Variants in SHTN1 observed in about 807,000 individuals in gnomAD.
The protein encoded by SHTN1 is shootin-1.
Under a neutral mutation model 83.1 loss-of-function variants are expected in SHTN1, and 42 were observed. That is an observed-to-expected ratio of 0.51 (90% CI 0.39 to 0.65). The LOEUF is 0.65. Ranked by LOEUF, SHTN1 falls within the 30% of genes least tolerant of loss-of-function variation. The probability of loss-of-function intolerance (pLI) is 0.00; values close to 1 mark genes in which losing one functional copy is unlikely to be tolerated. For missense variants in SHTN1, 622 were observed against 737.8 expected, an observed-to-expected ratio of 0.84 and a Z score of 1.82; for synonymous variants, 224 against 247.7, an observed-to-expected ratio of 0.90 and a Z score of 0.90.
intron 1 of SHTN1, among the ~76,000 whole-genome samples, chr10:116,991,769 C>A (rs571476809): frequency 6.6e-6 from 1 of 152,270 alleles, no homozygotes; most frequent in African/African-American, 2.4e-5. Context: ...ATCCAAACTT[C>A]CAAACTATAC....
intron 6 of SHTN1, among the ~76,000 whole-genome samples, chr10:116,951,642 C>T (rs755574999): frequency 6.6e-6 from 1 of 152,160 alleles, no homozygotes; most frequent in Non-Finnish European, 1.5e-5. Flanking sequence ...ACAAATTTGC[C>T]TTACATAGCA....
intron 2 of SHTN1, among the ~76,000 whole-genome samples, chr10:116,973,440 G>C (rs1256907947): frequency 6.6e-6 from 1 of 152,070 alleles, no homozygotes; most frequent in Admixed American, 6.5e-5. Context: ...GACTGAATCA[G>C]ACTTTTAAGC....
intron 4 of SHTN1, among the ~76,000 whole-genome samples, chr10:116,955,580 T>A (rs1052656373): frequency 6.6e-6 from 1 of 152,190 alleles, no homozygotes; most frequent in Non-Finnish European, 1.5e-5. Flanking sequence ...GGTCTGACTT[T>A]GCTCTTTCAT....
intron 6 of SHTN1, among the ~76,000 whole-genome samples, chr10:116,951,408 GAGTT>G (rs1392133370): frequency 1.3e-5 from 2 of 152,180 alleles, no homozygotes; most frequent in African/African-American, 4.8e-5. Flanking sequence ...GAGTGTGACA[GAGTT>G]AGGTCTTGTC....
chr10:116,996,094 T>C (rs551205012), intron 1 of SHTN1, among the ~76,000 whole-genome samples: 14 of 152,322 alleles, frequency 9.2e-5, no homozygotes, highest in South Asian at 4.2e-4. Flanking sequence ...CCAAGTATAA[T>C]AGACAAAAAC....
chr10:116,993,182 AT>A (rs1237715569), intron 1 of SHTN1, among the ~76,000 whole-genome samples: 2 of 151,344 alleles, frequency 1.3e-5, no homozygotes, highest in Non-Finnish European at 2.9e-5. Context: ...CACCCGGCTA[AT>A]TTTTTGTATT....
chr10:116,987,825 G>T (rs548289052), intron 1 of SHTN1, among the ~76,000 whole-genome samples: 57 of 151,666 alleles, frequency 3.8e-4, no homozygotes, highest in Non-Finnish European at 7.1e-4. Flanking sequence ...TGAGGCAGGA[G>T]AATCACTTGA....
At chr10:117,047,277 G>A in intron 2 of SHTN1, among the ~76,000 whole-genome samples, 1 of 152,120 alleles carries the variant, frequency 6.6e-6, no homozygotes, top group East Asian at 1.9e-4. Context: ...ATCTTGGCCA[G>A]GCTGGTCTTG....
At chr10:117,112,765 C>T (rs889395341) in intron 1 of SHTN1, among the ~76,000 whole-genome samples, 1 of 152,196 alleles carries the variant, frequency 6.6e-6, no homozygotes, top group Admixed American at 6.5e-5. Context: ...CTCCCTTCAT[C>T]CTTAGCATAT....
intron 11 of SHTN1, among the ~76,000 whole-genome samples, chr10:116,924,978 A>G (rs1317656109): frequency 2.0e-5 from 3 of 151,666 alleles, no homozygotes; most frequent in Non-Finnish European, 4.4e-5. Flanking sequence ...GGATGGTCTC[A>G]ATCTCCTGAC....
chr10:117,045,237 T>G (rs962914830), intron 2 of SHTN1, among the ~76,000 whole-genome samples: 1 of 152,172 alleles, frequency 6.6e-6, no homozygotes, highest in Non-Finnish European at 1.5e-5. Flanking sequence ...ACTGACAAAA[T>G]TGTTGAAATC....
chr10:116,949,094 T>C (rs1849687049), intron 6 of SHTN1, 97 bp from the exon 7 acceptor site: 1 of 1,266,216 alleles, frequency 7.9e-7, no homozygotes, highest in African/African-American at 1.5e-5. Context: ...ACTTTCAACA[T>C]GAAGTTACAA....
chr10:116,894,737 TAGG>T (rs1430935080), intron 16 of SHTN1, among the ~76,000 whole-genome samples: 5 of 152,202 alleles, frequency 3.3e-5, no homozygotes, highest in Admixed American at 6.5e-5. Flanking sequence ...TTGCAACTGT[TAGG>T]AGGATATTCA....
At chr10:116,909,393 T>A (rs1419445223) in intron 14 of SHTN1, among the ~76,000 whole-genome samples, 1 of 152,218 alleles carries the variant, frequency 6.6e-6, no homozygotes, top group Non-Finnish European at 1.5e-5. Context: ...TACAATTTTT[T>A]AAAAATTGCT....
intron 9 of SHTN1, among the ~76,000 whole-genome samples, chr10:116,938,435 CTGCTGGAGTT>C (rs1656813052): frequency 1.3e-5 from 2 of 152,190 alleles, no homozygotes; most frequent in Non-Finnish European, 2.9e-5. Flanking sequence ...TACTGCAGGT[CTGCTGGAGTT>C]TGCTGGAGGT....
intron 9 of SHTN1, among the ~76,000 whole-genome samples, chr10:116,938,626 G>A (rs533238719): frequency 4.6e-5 from 7 of 152,364 alleles, no homozygotes; most frequent in African/African-American, 1.7e-4. Context: ...GTGTCTCCCA[G>A]TCAGGAGGCA....
intron 2 of SHTN1, among the ~76,000 whole-genome samples, chr10:117,032,364 C>T (rs181299586): frequency 2.6e-5 from 4 of 152,082 alleles, no homozygotes; most frequent in Middle Eastern, 3.4e-3. Flanking sequence ...CCACCGTGCC[C>T]GGCTAATTTT....
At chr10:116,967,874 C>T (rs1209291912) in intron 3 of SHTN1, among the ~76,000 whole-genome samples, 1 of 152,116 alleles carries the variant, frequency 6.6e-6, no homozygotes, top group Non-Finnish European at 1.5e-5. Context: ...TAATGGAATA[C>T]TATGGACAAC....
At chr10:116,886,711 A>T in intron 16 of SHTN1, 145 bp from the exon 17 acceptor site, 1 of 1,113,964 alleles carries the variant, frequency 9.0e-7, no homozygotes, top group Non-Finnish European at 1.3e-6. Context: ...GATGCCAGCC[A>T]TTTAAAAGAA....
Sources: gnomAD v4.1 joint callset for allele counts (sites outside exome capture counted in the v4.1 genomes callset) on GRCh38, gnomAD v4.1.1 for gene constraint, MANE v1.5 for transcripts, NCBI Gene and HGNC (gene_info 2026-07-23, HGNC 2026-07-21) for gene names.